The following DSCAM variants were observed in gnomAD, a reference collection of about 807,000 sequenced individuals.
The protein encoded by DSCAM is DS cell adhesion molecule.
Under a neutral mutation model 217.7 loss-of-function variants are expected in DSCAM, and 47 were observed. That is an observed-to-expected ratio of 0.22 (90% CI 0.17 to 0.28). The LOEUF is 0.28. Among genes scored for constraint, DSCAM ranks in the 10% least tolerant of loss-of-function variants. The pLI is 1.00. For missense variants in DSCAM, 2,080 were observed against 2,618.3 expected, an observed-to-expected ratio of 0.79 and a Z score of 4.49; for synonymous variants, 1,056 against 1,015.3, an observed-to-expected ratio of 1.04 and a Z score of -0.76.
At chr21:40,132,468 C>T (rs778102184) in intron 19 of DSCAM, among the ~76,000 whole-genome samples, 3 of 152,224 alleles carry the variant, frequency 2.0e-5, no homozygotes, top group African/African-American at 4.8e-5. Flanking sequence ...AATGGCATTA[C>T]ATTTGAACCT....
At chr21:40,115,134 A>G (rs2146646912) in intron 20 of DSCAM, among the ~76,000 whole-genome samples, 1 of 152,308 alleles carries the variant, frequency 6.6e-6, no homozygotes, top group African/African-American at 2.4e-5. Context: ...CTGTGGCACT[A>G]TTCACAATAG....
chr21:40,666,798 A>G (rs575026917), intron 3 of DSCAM, among the ~76,000 whole-genome samples: 1 of 152,366 alleles, frequency 6.6e-6, no homozygotes, highest in Non-Finnish European at 1.5e-5. Context: ...TCCAAGGATC[A>G]GAAGCATGGA....
At chr21:40,485,246 T>C (rs1356953204) in intron 3 of DSCAM, among the ~76,000 whole-genome samples, 2 of 147,406 alleles carry the variant, frequency 1.4e-5, no homozygotes, top group Admixed American at 6.8e-5. Context: ...TCTTTTTTTT[T>C]TTTTTTTTTT....
intron 3 of DSCAM, among the ~76,000 whole-genome samples, chr21:40,560,156 A>T (rs1601745113): frequency 6.6e-6 from 1 of 152,254 alleles, no homozygotes; most frequent in East Asian, 1.9e-4. Context: ...CTCTTTCTAC[A>T]CTAAAATGTG....
In DSCAM at chr21:40,217,451, G is replaced by T. The variant is rs749647817; in HGVS notation, c.2357-28213C>A. 2.8e-4 allele frequency among the ~76,000 whole-genome samples: 43 copies of T among 152,126 alleles called. 1 individual carries two copies. The highest frequency in any genetic ancestry group is 5.9e-4 in the Non-Finnish European group (40 of 68,002). On this transcript the variant is annotated intron_variant, in intron 11 of 32. Coordinates refer to ENST00000400454, the MANE Select transcript of DSCAM (RefSeq NM_001389.5). The stretch of plus-strand genomic sequence containing the variant: ...TTTTAGGTTTGGGGTACATGTGAAG[G>T]TTTAGTTACATAGGTAAACTTGTGT...
intron 3 of DSCAM, among the ~76,000 whole-genome samples, chr21:40,419,208 C>G (rs1038121953): frequency 6.6e-6 from 1 of 151,260 alleles, no homozygotes; most frequent in Non-Finnish European, 1.5e-5. Flanking sequence ...GTCTCCATCT[C>G]CTGACCTCAT....
chr21:40,390,928 C>T (rs2075128394), intron 3 of DSCAM, among the ~76,000 whole-genome samples: 1 of 152,180 alleles, frequency 6.6e-6, no homozygotes, highest in African/African-American at 2.4e-5. Context: ...ATTATAACAT[C>T]TCAAAGCAGC....
chr21:40,467,135 A>G (rs2145960050), intron 3 of DSCAM, among the ~76,000 whole-genome samples: 1 of 152,350 alleles, frequency 6.6e-6, no homozygotes, highest in East Asian at 1.9e-4. Flanking sequence ...CTGTATTTAA[A>G]CAATCAAGAC....
intron 3 of DSCAM, among the ~76,000 whole-genome samples, chr21:40,692,263 T>C (rs1323022140): frequency 6.6e-6 from 1 of 152,240 alleles, no homozygotes; most frequent in Non-Finnish European, 1.5e-5. Context: ...TAAATTTAAA[T>C]TTTGTCTTTT....
At chr21:40,630,994 A>G (rs141703324) in intron 3 of DSCAM, among the ~76,000 whole-genome samples, 83 of 152,284 alleles carry the variant, frequency 5.5e-4, no homozygotes, top group Admixed American at 4.6e-4. Context: ...CTGGATAATA[A>G]AAGTATTATC....
intron 11 of DSCAM, among the ~76,000 whole-genome samples, chr21:40,272,465 T>C (rs1186008102): frequency 6.6e-6 from 1 of 152,164 alleles, no homozygotes; most frequent in Non-Finnish European, 1.5e-5. Flanking sequence ...TTATGCTTGA[T>C]TCAATAACAA....
chr21:40,201,810 T>G (rs763815646), intron 11 of DSCAM, among the ~76,000 whole-genome samples: 11 of 152,114 alleles, frequency 7.2e-5, no homozygotes, highest in Non-Finnish European at 1.6e-4. Context: ...CCATCAATGA[T>G]AGTAAAAAAA....
intron 1 of DSCAM, among the ~76,000 whole-genome samples, chr21:40,833,061 C>T (rs1464100360): frequency 6.6e-6 from 1 of 152,128 alleles, no homozygotes; most frequent in African/African-American, 2.4e-5. Context: ...GAGAACACCC[C>T]TCCCGGGGCC....
At chr21:40,666,072 C>G (rs747276786) in intron 3 of DSCAM, among the ~76,000 whole-genome samples, 5 of 152,188 alleles carry the variant, frequency 3.3e-5, no homozygotes, top group African/African-American at 4.8e-5. Flanking sequence ...CATCCCTACT[C>G]TCAGTGGGGA....
intron 32 of DSCAM, among the ~76,000 whole-genome samples, chr21:40,029,351 T>G (rs1024541454): frequency 4.7e-5 from 7 of 149,218 alleles, no homozygotes; most frequent in African/African-American, 1.7e-4. Flanking sequence ...TTTGGATCTC[T>G]GTGCTCATGC....
chr21:40,083,817 C>T, intron 24 of DSCAM, 91 bp downstream of exon 24: 2 of 974,046 alleles, frequency 2.1e-6, no homozygotes, highest in Non-Finnish European at 3.1e-6. Context: ...AATAAAGTAA[C>T]ACATACCAGT....
chr21:40,536,668 A>G (rs1439785623), intron 3 of DSCAM, among the ~76,000 whole-genome samples: 1 of 152,202 alleles, frequency 6.6e-6, no homozygotes, highest in Non-Finnish European at 1.5e-5. Flanking sequence ...GGCCTCCCAA[A>G]GTGCAGGGAT....
intron 3 of DSCAM, among the ~76,000 whole-genome samples, chr21:40,611,329 T>C (rs2089312215): frequency 6.6e-6 from 1 of 152,138 alleles, no homozygotes; most frequent in Non-Finnish European, 1.5e-5. Context: ...AGTGTTGGGA[T>C]TACAGGTGCG....
intron 3 of DSCAM, among the ~76,000 whole-genome samples, chr21:40,579,037 A>G (rs370955993): frequency 6.6e-6 from 1 of 152,224 alleles, no homozygotes; most frequent in African/African-American, 2.4e-5. Flanking sequence ...AGAAAGATGC[A>G]CATTAGCACA....
Sources: allele counts gnomAD v4.1 joint callset (sites outside exome capture counted in the v4.1 genomes callset), GRCh38; gene constraint gnomAD v4.1.1; transcripts MANE v1.5; gene names NCBI Gene and HGNC (gene_info 2026-07-23, HGNC 2026-07-21).